MIR2052HG: variants seen among roughly 807,000 people sequenced by gnomAD.
MIR2052HG encodes the protein MIR2052 host gene.
chr8:74,608,197 T>C (rs1054052979), intron 1 of MIR2052HG, among the ~76,000 whole-genome samples: 1 of 151,262 alleles, frequency 6.6e-6, no homozygotes, highest in Non-Finnish European at 1.5e-5. Flanking sequence ...AGAGTTCTGC[T>C]CTAGAGCTTC....
chr8:74,610,595 C>T (rs1374589599), intron 1 of MIR2052HG, among the ~76,000 whole-genome samples: 4 of 151,530 alleles, frequency 2.6e-5, no homozygotes, highest in Admixed American at 2.6e-4. Context: ...TTCCTGCCTT[C>T]AAAAACCTTT....
intron 5 of MIR2052HG, chr8:74,757,809 T>C (rs1810020856): frequency 6.6e-6 from 1 of 152,148 alleles, no homozygotes; most frequent in African/African-American, 2.4e-5. Flanking sequence ...TTGTTGATTC[T>C]GTCCCTTTGA....
chr8:74,636,599 A>G lies in MIR2052HG; in HGVS notation n.216+23659A>G, dbSNP rs187036357. ...TCTCTGCCAAAAACTCTGGGTTTTC[A>G]TCAGTGTCTTTCACCATTTTATGGC... On this transcript the variant is annotated intron_variant and non_coding_transcript_variant, in intron 2 of 6. Transcript: ENST00000523442. Among the ~76,000 whole-genome samples, 487 of 152,268 alleles carry G rather than the reference A, an allele frequency of 3.2e-3. 1 individual carries two copies. Among genetic ancestry groups the G allele is most frequent in the African/African-American group, 0.011 (471 of 41,552 alleles).
At chr8:74,737,751 T>G (rs1322225454) in intron 4 of MIR2052HG, among the ~76,000 whole-genome samples, 1 of 152,204 alleles carries the variant, frequency 6.6e-6, no homozygotes, top group Non-Finnish European at 1.5e-5. Context: ...AATATTTGTT[T>G]GTTCACTGCC....
intron 2 of MIR2052HG, among the ~76,000 whole-genome samples, chr8:74,614,416 C>T (rs1051929320): frequency 2.0e-5 from 3 of 152,082 alleles, no homozygotes; most frequent in African/African-American, 7.2e-5. Context: ...CTGGTCCTTG[C>T]TTTTATAATT....
chr8:74,607,272 G>A (rs1195847742), intron 1 of MIR2052HG, among the ~76,000 whole-genome samples: 1 of 152,064 alleles, frequency 6.6e-6, no homozygotes, highest in African/African-American at 2.4e-5. Context: ...TTTTTTAGGG[G>A]AAAATGATAT....
At chr8:74,673,932 A>G (rs112488829) in intron 2 of MIR2052HG, among the ~76,000 whole-genome samples, 5 of 133,680 alleles carry the variant, frequency 3.7e-5, no homozygotes, top group African/African-American at 1.7e-4. Context: ...ATATCTATCT[A>G]TATATATTAC....
At chr8:74,711,734 A>G (rs1809470211) in intron 4 of MIR2052HG, among the ~76,000 whole-genome samples, 1 of 152,208 alleles carries the variant, frequency 6.6e-6, no homozygotes, top group Non-Finnish European at 1.5e-5. Flanking sequence ...TGATGTAGTA[A>G]TGGCTGGATG....
chr8:74,675,380 T>C (rs1809039831), intron 2 of MIR2052HG, among the ~76,000 whole-genome samples: 1 of 152,070 alleles, frequency 6.6e-6, no homozygotes, highest in Non-Finnish European at 1.5e-5. Flanking sequence ...TTACATAGCA[T>C]TTACATTATA....
chr8:74,614,871 T>C (rs1808256023), intron 2 of MIR2052HG, among the ~76,000 whole-genome samples: 1 of 151,978 alleles, frequency 6.6e-6, no homozygotes, highest in Admixed American at 6.5e-5. Flanking sequence ...TTTCACTAGA[T>C]TGAATGCAGT....
chr8:74,637,331 T>G (rs774145529), intron 2 of MIR2052HG, among the ~76,000 whole-genome samples: 3 of 152,074 alleles, frequency 2.0e-5, no homozygotes, highest in Non-Finnish European at 4.4e-5. Context: ...TTAATTAGCT[T>G]ATTTCTTCCA....
intron 2 of MIR2052HG, among the ~76,000 whole-genome samples, chr8:74,680,808 C>T (rs972446389): frequency 1.3e-4 from 20 of 151,524 alleles, no homozygotes; most frequent in Non-Finnish European, 2.2e-4. Flanking sequence ...GACTTGGAAC[C>T]AACCCAAATG....
chr8:74,629,196 G>A (rs1009066323), intron 2 of MIR2052HG, among the ~76,000 whole-genome samples: 4 of 152,104 alleles, frequency 2.6e-5, no homozygotes, highest in African/African-American at 9.7e-5. Context: ...CTTATTTGAT[G>A]ACAGAGGCTC....
At chr8:74,726,708 G>A (rs942374759) in intron 4 of MIR2052HG, among the ~76,000 whole-genome samples, 1 of 152,208 alleles carries the variant, frequency 6.6e-6, no homozygotes, top group African/African-American at 2.4e-5. Flanking sequence ...CCAGGGACAG[G>A]ATATGTGGGC....
intron 2 of MIR2052HG, among the ~76,000 whole-genome samples, chr8:74,631,176 A>G (rs983061091): frequency 6.6e-6 from 1 of 152,214 alleles, no homozygotes; most frequent in African/African-American, 2.4e-5. Context: ...AGGCCACTCT[A>G]ACAATAAACA....
At chr8:74,663,215 CT>C (rs1808885779) in intron 2 of MIR2052HG, among the ~76,000 whole-genome samples, 2 of 151,968 alleles carry the variant, frequency 1.3e-5, no homozygotes, top group Admixed American at 1.3e-4. Flanking sequence ...ATTACACTGA[CT>C]TTTTTTGCCC....
chr8:74,735,151 G>T (rs146230590), intron 4 of MIR2052HG, among the ~76,000 whole-genome samples: 56 of 152,300 alleles, frequency 3.7e-4, no homozygotes, highest in African/African-American at 1.3e-3. Context: ...GTTGTTGTGA[G>T]GATGAAACAC....
Position 74,743,082 on chromosome 8 carries a change from C to A in MIR2052HG, n.372-9359C>A, listed in dbSNP as rs530285880. 1.2e-4 allele frequency among the ~76,000 whole-genome samples: 18 copies of A among 151,346 alleles called. No homozygotes were observed. In the East Asian group the frequency reaches 1.4e-3, roughly 11 times the overall value. ...ATGTCAAAAAAACAAACAAAAAAAACCAACAAAAAAACACCAAAAAACAAA... is the reference window on the plus strand; with the variant it reads ...ATGTCAAAAAAACAAACAAAAAAAAACAACAAAAAAACACCAAAAAACAAA... On this transcript the variant is annotated intron_variant and non_coding_transcript_variant, in intron 4 of 6. Coordinates refer to ENST00000523442, the Ensembl canonical transcript of MIR2052HG.
At chr8:74,715,273 T>C (rs1022860354) in intron 4 of MIR2052HG, among the ~76,000 whole-genome samples, 9 of 152,302 alleles carry the variant, frequency 5.9e-5, no homozygotes, top group Admixed American at 3.9e-4. Context: ...CGAGTACTTT[T>C]GACTTGCAGG....
Sources: gnomAD v4.1 joint callset for allele counts (sites outside exome capture counted in the v4.1 genomes callset) on GRCh38, gnomAD v4.1.1 for gene constraint, MANE v1.5 for transcripts, NCBI Gene and HGNC (gene_info 2026-07-23, HGNC 2026-07-21) for gene names.